LY9: variants seen among roughly 807,000 people sequenced by gnomAD.
The protein encoded by LY9 is T-lymphocyte surface antigen Ly-9.
Under a neutral mutation model 64.6 loss-of-function variants are expected in LY9, and 59 were observed. The ratio of observed to expected loss-of-function variants is 0.91; its 90% CI spans 0.74 to 1.13. The LOEUF is 1.13. LY9 is among the 50% of genes most tolerant of loss of function. The probability of loss-of-function intolerance (pLI) is 0.00; values close to 1 mark genes in which losing one functional copy is unlikely to be tolerated. For missense variants in LY9, 789 were observed against 797.2 expected (o/e 0.99, Z 0.12); for synonymous variants, 281 against 308.5 (o/e 0.91, Z 0.93).
chr1:160,813,293 T>C, intron 2 of LY9: 1 of 291,346 alleles, frequency 3.4e-6, no homozygotes, highest in Non-Finnish European at 6.4e-6. Context: ...CACCTATTTA[T>C]TCATTGAACA....
intron 5 of LY9, 44 bp downstream of exon 5, chr1:160,816,907 C>T (rs1345493897): frequency 1.7e-5 from 28 of 1,600,758 alleles, no homozygotes; most frequent in Non-Finnish European, 2.3e-5. Context: ...GACCTTGGGG[C>T]CTCCAAGAGT....
At chr1:160,821,169 A>AAAAAAAAAAAAAAAT (rs71090330) in intron 7 of LY9, among the ~76,000 whole-genome samples, 1 of 150,604 alleles carries the variant, frequency 6.6e-6, no homozygotes. Flanking sequence ...AAAAAAAAAA[A>AAAAAAAAAAAAAAAT]CCATATATTC....
intron 7 of LY9, among the ~76,000 whole-genome samples, chr1:160,822,178 G>C (rs764247786): frequency 4.6e-5 from 7 of 152,078 alleles, no homozygotes; most frequent in Non-Finnish European, 7.4e-5. Context: ...GTTTAGGAGC[G>C]GACGTTCAAT....
chr1:160,810,489 A>ACC (rs1667386511), intron 2 of LY9: 1 of 152,178 alleles, frequency 6.6e-6, no homozygotes, highest in Non-Finnish European at 1.5e-5. Flanking sequence ...CACATCGGTC[A>ACC]TACTGTATTA....
rs1422514029 is a variant in LY9 at position 160,820,962 on chromosome 1, G to A, written c.1498+1588G>A. ...GAGGTCAGGAATTCAAGACCAGCCTGGCCAACATGGTGAAACCCCGTCTCT... is the reference window on the plus strand; with the variant it reads ...GAGGTCAGGAATTCAAGACCAGCCTAGCCAACATGGTGAAACCCCGTCTCT... On this transcript the variant is annotated intron_variant, in intron 7 of 9. Transcript: ENST00000263285. Among the ~76,000 whole-genome samples the A allele has an allele frequency of 2.8e-5, 3 of 108,826 alleles. No individual in the cohort carries two copies. The South Asian group carries it at 1.1e-3, about 39-fold the overall frequency. 71.4% of individuals were successfully genotyped at this position (108,826 alleles called of 152,430 possible). A position where few individuals can be genotyped will look rare whatever the true frequency, so the allele number is the denominator to read the frequency against.
rs1381348887 is a variant in LY9, at chr1:160,823,743, G to A, written c.1777G>A (p.Val593Ile). The A allele has an allele frequency of 1.2e-6, 2 of 1,614,214 alleles. No individual in the cohort carries two copies. The highest frequency in any genetic ancestry group is 1.1e-5 in the South Asian group (1 of 91,092). ...YDPVTPYVTE[V>I]ESVVGENTMY... ...TCCCGTCACTCCATATGTCACGGAA[G>A]TTGAGTCTGTGGTTGGAGAGAACAC... is the stretch of plus-strand genomic sequence containing the variant. The change falls in exon 8 of 10, where the codon GTT (valine) becomes ATT (isoleucine). Residue 593 changes from valine (V) to isoleucine (I), a missense_variant. Val to Ile is a conservative substitution (Grantham distance 29). Coordinates refer to ENST00000263285, the MANE Select transcript of LY9 (RefSeq NM_002348.4).
In LY9 at chr1:160,813,624, T is replaced by C; in HGVS notation, c.455-12T>C. ...AGGATCTGAGCATCTTCCCATGCTGTTGTCCCTGCAGAGCAGCTGCAGGAG... is the reference window on the plus strand; with the variant it reads ...AGGATCTGAGCATCTTCCCATGCTGCTGTCCCTGCAGAGCAGCTGCAGGAG... On this transcript the variant is annotated splice_polypyrimidine_tract_variant and intron_variant, in intron 2 of 9. Coordinates refer to ENST00000263285, the MANE Select transcript of LY9 (RefSeq NM_002348.4). 1.2e-6 allele frequency: 2 copies of C among 1,609,740 alleles called. No individual in the cohort carries two copies. Among genetic ancestry groups the C allele is most frequent in the Non-Finnish European group, 8.5e-7 (1 of 1,177,460 alleles).
chr1:160,801,835 AC>A, intron 2 of LY9: 1 of 1,614,138 alleles, frequency 6.2e-7, no homozygotes, highest in Non-Finnish European at 8.5e-7. Context: ...GAGGGTGACC[AC>A]CGCACACTCC....
chr1:160,818,391 C>A, intron 6 of LY9, 72 bp downstream of exon 6: 1 of 1,125,894 alleles, frequency 8.9e-7, no homozygotes, highest in Non-Finnish European at 1.3e-6. Flanking sequence ...GCTTCTCTGC[C>A]CTCACACAAT....
intron 1 of LY9, among the ~76,000 whole-genome samples, chr1:160,797,487 G>T (rs571530976): frequency 6.6e-6 from 1 of 152,188 alleles, no homozygotes; most frequent in Non-Finnish European, 1.5e-5. Context: ...AACCTTTGGG[G>T]TGTTCCTTGA....
At chr1:160,810,201 C>T (rs1356962151) in intron 2 of LY9, 1 of 152,186 alleles carries the variant, frequency 6.6e-6, no homozygotes, top group East Asian at 1.9e-4. Flanking sequence ...ATTGAATAGC[C>T]ATTTGTATTC....
intron 1 of LY9, 150 bp downstream of exon 1, chr1:160,796,461 C>T (rs527304528): frequency 3.9e-5 from 36 of 932,908 alleles, no homozygotes; most frequent in African/African-American, 3.1e-4. Context: ...GGCGCAATCT[C>T]GGCTCACTGC....
At chr1:160,823,374 G>C (rs1229524915) in intron 7 of LY9, 91 bp from the exon 8 acceptor site, 6 of 912,214 alleles carry the variant, frequency 6.6e-6, no homozygotes, top group Non-Finnish European at 1.0e-5. Flanking sequence ...CTCATCTAAT[G>C]CAGGCATCAG....
chr1:160,816,447 T>G (rs1429137225), intron 4 of LY9, 147 bp from the exon 5 acceptor site: 3 of 806,180 alleles, frequency 3.7e-6, no homozygotes, highest in Non-Finnish European at 5.8e-6. Flanking sequence ...AAATGCCAGG[T>G]ATACTCCAAA....
chr1:160,799,770 A>C lies in LY9; in HGVS notation c.142A>C (p.Lys48Gln). ...FLLMGLRASGKDSAPTVVSGI... is the reference protein window; with the variant it reads ...FLLMGLRASGQDSAPTVVSGI... ...CTCTGCAGGACTAAGAGCCTCTGGA[A>C]AGGACTCAGCCCCAACAGTGGTGTC... The change falls in exon 2 of 10, where the codon AAG becomes CAG. Residue 48 changes from lysine to glutamine, a missense_variant. By Grantham distance (53) the Lys-to-Gln change is moderately conservative. Transcript: ENST00000263285. The C allele has an allele frequency of 6.2e-7, 1 of 1,612,898 alleles. No homozygotes were observed.
chr1:160,823,828 T>C (rs764578313), intron 8 of LY9, 32 bp downstream of exon 8: 1 of 1,511,946 alleles, frequency 6.6e-7, no homozygotes, highest in African/African-American at 1.4e-5. Context: ...ACCTTCCTCC[T>C]CCTCCCATGT....
At chr1:160,822,139 A>T (rs1668512365) in intron 7 of LY9, among the ~76,000 whole-genome samples, 1 of 152,080 alleles carries the variant, frequency 6.6e-6, no homozygotes, top group Non-Finnish European at 1.5e-5. Flanking sequence ...GCGTGCCGGG[A>T]AAGTTTAGGA....
chr1:160,819,933 A>T lies in LY9; in HGVS notation c.1498+559A>T, dbSNP rs186645615. Among the ~76,000 whole-genome samples the T allele has an allele frequency of 3.3e-5, 5 of 151,954 alleles. No homozygotes were observed. The East Asian group carries it at 9.7e-4, about 29-fold the overall frequency. ...GATTCCAAACCTGTATTTTAACAAG[A>T]TCCATAAGTGATTCATATGCCTACT... On this transcript the variant is annotated intron_variant, in intron 7 of 9. Coordinates refer to ENST00000263285, the MANE Select transcript of LY9 (RefSeq NM_002348.4).
chr1:160,827,678 T>C (rs1222827904), intron 9 of LY9, 70 bp from the exon 10 acceptor site: 30 of 1,256,616 alleles, frequency 2.4e-5, no homozygotes, highest in Non-Finnish European at 3.3e-5. Context: ...GGCCTTGCCT[T>C]CCTCTTTCAT....
Sources: gnomAD v4.1 joint callset for allele counts (sites outside exome capture counted in the v4.1 genomes callset) on GRCh38, gnomAD v4.1.1 for gene constraint, MANE v1.5 for transcripts, NCBI Gene and HGNC (gene_info 2026-07-23, HGNC 2026-07-21) for gene names.